The following NISCH variants were observed in gnomAD, a reference collection of about 807,000 sequenced individuals.
The protein encoded by NISCH is I-1 receptor candidate protein.
In NISCH, 55 loss-of-function variants were observed where a neutral mutation model predicts 138.4. The observed-to-expected ratio is 0.40, with a 90% CI of 0.32 to 0.50. The LOEUF is 0.50. Ranked by LOEUF, NISCH falls within the 20% of genes least tolerant of loss-of-function variation. The pLI is 0.71. For synonymous variants in NISCH, 860 were observed against 861.5 expected, an observed-to-expected ratio of 1.00 and a Z score of 0.03; for missense variants, 1,643 against 2,005.5, an observed-to-expected ratio of 0.82 and a Z score of 3.45.
chr3:52,483,724 C>T (rs767158530), intron 13 of NISCH, among the ~76,000 whole-genome samples: 2 of 152,204 alleles, frequency 1.3e-5, no homozygotes, highest in African/African-American at 2.4e-5. Flanking sequence ...GGTGAATTGT[C>T]CCGTGCCCTG....
Position 52,487,089 on chromosome 3 carries a change from G to A in NISCH, c.1704-107G>A, listed in dbSNP as rs1247048704. 7.7e-7 allele frequency: 1 copy of A among 1,295,750 alleles called. No individual in the cohort carries two copies. The highest frequency in any genetic ancestry group is 1.5e-5 in the African/African-American group (1 of 67,780). The allele number at this position is 1,295,750 out of a possible 1,614,324, so 80.3% of individuals were successfully genotyped here. A position where few individuals can be genotyped will look rare whatever the true frequency, so the allele number is the denominator to read the frequency against. On this transcript the variant is annotated intron_variant, in intron 15 of 20. Transcript: ENST00000345716. The surrounding 1 kb of genome is among the most constrained non-coding windows in gnomAD (Gnocchi z 9.1). ...ATGTGGGAGGCTTGGGAGACCCATG[G>A]GTTGGTTTCTCAGGGTCAGGGTGTA...
chr3:52,487,174 G>A lies in NISCH; in HGVS notation c.1704-22G>A. 10 of 1,600,646 alleles carry A rather than the reference G, an allele frequency of 6.2e-6. No homozygotes were observed. Among genetic ancestry groups the A allele is most frequent in the Non-Finnish European group, 8.5e-6 (10 of 1,171,484 alleles). ...GAGGGGCCCCTCCCAGCATGCCACT[G>A]ACCTGGCCTCTCCCTGCACAGCCCA... On this transcript the variant is annotated intron_variant, in intron 15 of 20. Transcript: ENST00000345716. The surrounding 1 kb of genome is among the most constrained non-coding windows in gnomAD (Gnocchi z 9.1).
chr3:52,478,696 C>A, intron 11 of NISCH, 119 bp downstream of exon 11: 2 of 966,936 alleles, frequency 2.1e-6, no homozygotes, highest in Non-Finnish European at 1.6e-6. Context: ...GAAAGAGGTC[C>A]TGTCCCTTAG....
intron 14 of NISCH, 33 bp downstream of exon 14, chr3:52,484,670 C>T: frequency 6.2e-7 from 1 of 1,612,246 alleles, no homozygotes; most frequent in Non-Finnish European, 8.5e-7. Context: ...GGGGACCATA[C>T]ATCTGTGGGT....
At position 52,491,526 on chromosome 3, in the gene NISCH, A is replaced by G; in HGVS notation, c.3904+13A>G. On this transcript the variant is annotated intron_variant, in intron 20 of 20. Coordinates refer to ENST00000345716, the MANE Select transcript of NISCH (RefSeq NM_007184.4). ...AACAAGACCACAGGTACCCCTGTCT[A>G]GCTCAGGCTGCAGACAGGCTGCCTG... The G allele has an allele frequency of 6.2e-7, 1 of 1,603,904 alleles. No individual in the cohort carries two copies. Among genetic ancestry groups the G allele is most frequent in the South Asian group, 1.1e-5 (1 of 90,078 alleles).
At position 52,489,634 on chromosome 3, in the gene NISCH, C is replaced by T. The variant is rs778452398; in HGVS notation, c.3412C>T (p.Arg1138Trp). The change falls in exon 17 of 21, where the codon CGG becomes TGG. Residue 1138 changes from arginine to tryptophan, a missense_variant. Coordinates refer to ENST00000345716, the MANE Select transcript of NISCH (RefSeq NM_007184.4). ...CPSLRHVASL[R>W]GSAIIELFHS... ...GTCGCTCCGGCACGTCGCCAGCCTG[C>T]GGGGCAGCGCCATCATCGAGCTCTT... The T allele has an allele frequency of 6.9e-5, 111 of 1,612,764 alleles. No individual in the cohort carries two copies. Among genetic ancestry groups the T allele is most frequent in the Non-Finnish European group, 8.9e-5 (105 of 1,179,926 alleles).
At chr3:52,484,163 T>C (rs1707348209) in intron 13 of NISCH, 1 of 222,286 alleles carries the variant, frequency 4.5e-6, no homozygotes, top group Non-Finnish European at 9.1e-6. Flanking sequence ...TTGTCAAATA[T>C]TGCAAACACT....
intron 13 of NISCH, 193 bp downstream of exon 13, chr3:52,480,488 G>T (rs1311811745): frequency 2.0e-6 from 3 of 1,528,570 alleles, no homozygotes; most frequent in Non-Finnish European, 2.6e-6. Flanking sequence ...GCCAGCTGTT[G>T]CTTGCTTGGT....
At chr3:52,489,713 G>A (rs752214778) in intron 17 of NISCH, 35 bp downstream of exon 17, 15 of 1,593,120 alleles carry the variant, frequency 9.4e-6, no homozygotes, top group African/African-American at 4.0e-5. Context: ...GCTATGGCAC[G>A]GCCAGTCCTG....
intron 3 of NISCH, 33 bp from the exon 4 acceptor site, chr3:52,470,826 A>C (rs1281175847): frequency 6.2e-7 from 1 of 1,610,078 alleles, no homozygotes; most frequent in Non-Finnish European, 8.5e-7. Context: ...GGTCAGGTGG[A>C]CTTTCTAAGG....
chr3:52,470,617 C>T (rs903734816), intron 3 of NISCH: 8 of 573,490 alleles, frequency 1.4e-5, no homozygotes, highest in Admixed American at 9.3e-5. Flanking sequence ...GGACTGGAGT[C>T]GCAGCATTAG....
At chr3:52,489,308 T>G in intron 16 of NISCH, 28 bp from the exon 17 acceptor site, 1 of 1,597,820 alleles carries the variant, frequency 6.3e-7, no homozygotes, top group Non-Finnish European at 8.5e-7. Context: ...GGGTCCGCTG[T>G]TAATATGGTG....
Position 52,473,843 on chromosome 3 carries a change from A to G in NISCH, c.765+14A>G. Reference sequence around the variant, plus strand: ...ACCTCGATGAAGGTAAGCTTCACCTATATCCTGCCTGGGGCAATGTCTGTG... The same window carrying G: ...ACCTCGATGAAGGTAAGCTTCACCTGTATCCTGCCTGGGGCAATGTCTGTG... On this transcript the variant is annotated intron_variant, in intron 7 of 20. Coordinates refer to ENST00000345716, the MANE Select transcript of NISCH (RefSeq NM_007184.4). The G allele has an allele frequency of 2.5e-6, 4 of 1,581,828 alleles. No homozygotes were observed. The highest frequency in any genetic ancestry group is 2.3e-5 in the East Asian group (1 of 44,140).
intron 7 of NISCH, among the ~76,000 whole-genome samples, chr3:52,474,697 G>T (rs1329267451): frequency 6.6e-6 from 1 of 152,202 alleles, no homozygotes; most frequent in Non-Finnish European, 1.5e-5. Flanking sequence ...CTCCCAAAGT[G>T]CTGGGATTAC....
chr3:52,487,341 C>T lies in NISCH; in HGVS notation c.1849C>T (p.Gln617Ter). The T allele has an allele frequency of 1.2e-6, 2 of 1,613,992 alleles. No individual in the cohort carries two copies. The highest frequency in any genetic ancestry group is 1.7e-6 in the Non-Finnish European group (2 of 1,180,036). ...ACTGATCCGGCAGGCCATCGAGCGG[C>T]AGCTGCCTGCCTGGATCGAGGCTGC... ...STLIRQAIER[Q>*]LPAWIEAANQ... The change falls in exon 16 of 21, where the codon CAG becomes TAG. Residue 617 changes from glutamine to a stop codon, truncating the protein, a stop_gained. Transcript: ENST00000345716. LOFTEE classifies it high-confidence loss of function. The surrounding 1 kb of genome is among the most constrained non-coding windows in gnomAD (Gnocchi z 9.1).
intron 3 of NISCH, among the ~76,000 whole-genome samples, chr3:52,465,511 C>G (rs762930382): frequency 1.3e-5 from 2 of 152,204 alleles, no homozygotes; most frequent in Non-Finnish European, 2.9e-5. Flanking sequence ...GGGGTTGCCG[C>G]CTGTATGAGT....
At position 52,484,354 on chromosome 3, in the gene NISCH, G is replaced by C. The variant is rs1346131585; in HGVS notation, c.1529-159G>C. 3 of 603,426 alleles carry C rather than the reference G, an allele frequency of 5.0e-6. No individual in the cohort carries two copies. In the Admixed American group the frequency reaches 9.0e-5, roughly 18 times the overall value. 37.4% of individuals were successfully genotyped at this position (603,426 alleles called of 1,614,324 possible). A position where few individuals can be genotyped will look rare whatever the true frequency, so the allele number is the denominator to read the frequency against. On this transcript the variant is annotated intron_variant, in intron 13 of 20. Coordinates refer to ENST00000345716, the MANE Select transcript of NISCH (RefSeq NM_007184.4). ...TTTCTTGAGTTATTTTGAGATTTCA[G>C]TTTTAACATTTTCTTCTATAATCCA...
At chr3:52,477,246 G>A (rs1289143494) in intron 8 of NISCH, among the ~76,000 whole-genome samples, 6 of 152,178 alleles carry the variant, frequency 3.9e-5, no homozygotes, top group African/African-American at 9.7e-5. Context: ...TAAGAGTGTC[G>A]TTCCCGTGTT....
In NISCH at chr3:52,490,778, T is replaced by C. The variant is rs150029838; in HGVS notation, c.3687T>C (p.Leu1229=). The change falls in exon 19 of 21, where the codon CTT becomes CTC. Residue 1229 remains leucine, a synonymous_variant. Coordinates refer to ENST00000345716, the MANE Select transcript of NISCH (RefSeq NM_007184.4). The stretch of plus-strand genomic sequence containing the variant: ...TCTCCCAGTGCTTCGTGCTAAAGCT[T>C]AGTGACCTGCAGTCAGTCAATGTGG... ...FHISQCFVLK[L]SDLQSVNVGL... is the part of the protein sequence containing the mutation. 4.3e-6 allele frequency: 7 copies of C among 1,614,064 alleles called. No individual in the cohort carries two copies. Among genetic ancestry groups the C allele is most frequent in the Non-Finnish European group, 5.9e-6 (7 of 1,180,036 alleles).
Sources: gnomAD v4.1 joint callset for allele counts (sites outside exome capture counted in the v4.1 genomes callset) on GRCh38, gnomAD v4.1.1 for gene constraint, Gnocchi (gnomAD v3.1) non-coding constraint, MANE v1.5 for transcripts, NCBI Gene and HGNC (gene_info 2026-07-23, HGNC 2026-07-21) for gene names.